CNST: variants seen among roughly 807,000 people sequenced by gnomAD.
CNST encodes consortin, connexin sorting protein.
In CNST, 39 loss-of-function variants were observed where a neutral mutation model predicts 72.4. That is an observed-to-expected ratio of 0.54 (90% CI 0.42 to 0.70). CNST has a LOEUF of 0.70. Ranked by LOEUF, CNST falls within the 30% of genes least tolerant of loss-of-function variation. The pLI is 0.00. For synonymous variants in CNST, 332 were observed against 320.1 expected (o/e 1.04, Z -0.40); for missense variants, 871 against 868.5 (o/e 1.00, Z -0.04).
chr1:246,652,609 T>A (rs994339737), intron 9 of CNST, among the ~76,000 whole-genome samples: 1 of 152,194 alleles, frequency 6.6e-6, no homozygotes, highest in Non-Finnish European at 1.5e-5. Flanking sequence ...CAGAAAAATA[T>A]ATTAAGTGTT....
intron 7 of CNST, 51 bp from the exon 8 acceptor site, chr1:246,641,890 T>G: frequency 6.9e-7 from 1 of 1,457,918 alleles, no homozygotes; most frequent in Non-Finnish European, 9.5e-7. Context: ...CTTCCTAGTT[T>G]AATACAACAG....
chr1:246,616,293 A>C (rs972226667), intron 2 of CNST, among the ~76,000 whole-genome samples: 2 of 152,048 alleles, frequency 1.3e-5, no homozygotes, highest in Non-Finnish European at 2.9e-5. Context: ...TGGCGCCTGT[A>C]CTCCCAGCAT....
At chr1:246,613,273 T>C (rs1453491787) in intron 2 of CNST, among the ~76,000 whole-genome samples, 2 of 152,190 alleles carry the variant, frequency 1.3e-5, no homozygotes, top group African/African-American at 2.4e-5. Context: ...CTTAAAGCAA[T>C]ACATGACTTT....
At chr1:246,583,910 A>G (rs1375584265) in intron 1 of CNST, among the ~76,000 whole-genome samples, 1 of 152,234 alleles carries the variant, frequency 6.6e-6, no homozygotes, top group Non-Finnish European at 1.5e-5. Context: ...GGATGGCAGA[A>G]GAAAATATAT....
At chr1:246,623,694 GGAGGTTGCAGTGGGCGGAGATCGCA>G (rs1664235862) in intron 3 of CNST, among the ~76,000 whole-genome samples, 1 of 151,220 alleles carries the variant, frequency 6.6e-6, no homozygotes, top group Non-Finnish European at 1.5e-5. Context: ...CCCAGGAGGC[GGAGGTTGCAGTGGGCGGAGATCGCA>G]CCACTGCACT....
intron 6 of CNST, among the ~76,000 whole-genome samples, chr1:246,635,853 C>T (rs1242771538): frequency 6.6e-6 from 1 of 152,190 alleles, no homozygotes; most frequent in South Asian, 2.1e-4. Flanking sequence ...TCTTTGGCTT[C>T]CTCCTGCCTT....
intron 2 of CNST, chr1:246,607,892 C>G (rs975548626): frequency 6.6e-6 from 1 of 152,146 alleles, no homozygotes; most frequent in Admixed American, 6.6e-5. Context: ...ACCATCCAGA[C>G]CAACATGGTG....
intron 8 of CNST, among the ~76,000 whole-genome samples, chr1:246,643,791 T>C (rs1471049543): frequency 6.6e-6 from 1 of 152,214 alleles, no homozygotes; most frequent in Non-Finnish European, 1.5e-5. Flanking sequence ...ATGTCAATAA[T>C]GTGGGTGACT....
chr1:246,632,940 T>G lies in CNST; in HGVS notation c.617-984T>G, dbSNP rs78290753. 5.9e-3 allele frequency among the ~76,000 whole-genome samples: 898 copies of G among 152,318 alleles called. 3 individuals carry two copies. Among genetic ancestry groups the G allele is most frequent in the Non-Finnish European group, 0.01 (692 of 68,004 alleles). ...AACACTTGACCAGAGAGTCACATAGTTCTTTGACAGAAAGTAAGGAGAGAA... is the reference window on the plus strand; with the variant it reads ...AACACTTGACCAGAGAGTCACATAGGTCTTTGACAGAAAGTAAGGAGAGAA... On this transcript the variant is annotated intron_variant, in intron 4 of 10. Coordinates refer to ENST00000366513, the MANE Select transcript of CNST (RefSeq NM_152609.3).
At chr1:246,663,028 G>C (rs1235163885) in intron 10 of CNST, among the ~76,000 whole-genome samples, 2 of 152,152 alleles carry the variant, frequency 1.3e-5, no homozygotes, top group Non-Finnish European at 2.9e-5. Flanking sequence ...TAGATGAAGT[G>C]GGGGTAGGAA....
At chr1:246,662,543 G>C (rs10924796) in intron 10 of CNST, among the ~76,000 whole-genome samples, 51,235 of 151,792 alleles carry the variant, frequency 0.34, 10,077 homozygotes, top group African/African-American at 0.54. Context: ...CATGTTCCCC[G>C]ACGCCTGGCT....
chr1:246,667,727 T>G lies in CNST; in HGVS notation c.*1822T>G, dbSNP rs1411139368. 2.6e-5 allele frequency: 4 copies of G among 152,260 alleles called. No individual in the cohort carries two copies. The highest frequency in any genetic ancestry group is 2.4e-5 in the African/African-American group (1 of 41,468). 9.4% of individuals were successfully genotyped at this position (152,260 alleles called of 1,614,324 possible). The stretch of plus-strand genomic sequence containing the variant: ...TATAAAAGCTATTCACAAGTTCTAC[T>G]GTGATGGACATCCTCATCATAGACA... On this transcript the variant is annotated 3_prime_UTR_variant, in exon 11 of 11. Transcript: ENST00000366513.
At position 246,658,558 on chromosome 1, in the gene CNST, C is replaced by G. The variant is rs183362079; in HGVS notation, c.1837-1641C>G. On this transcript the variant is annotated intron_variant, in intron 9 of 10. Transcript: ENST00000366513. ...ATCTTGGTCTATTTGGCCCTAAAAG[C>G]CCTAAGATATAAAAAGAACTAATCG... is the stretch of plus-strand genomic sequence containing the variant. Among the ~76,000 whole-genome samples the G allele has an allele frequency of 4.2e-3, 638 of 152,104 alleles. 7 individuals carry two copies. Among genetic ancestry groups the G allele is most frequent in the African/African-American group, 0.015 (616 of 41,508 alleles).
In CNST at chr1:246,622,006, A is replaced by C. The variant is rs1384107186; in HGVS notation, c.585+372A>C. On this transcript the variant is annotated intron_variant, in intron 3 of 10. Coordinates refer to ENST00000366513, the MANE Select transcript of CNST (RefSeq NM_152609.3). The stretch of plus-strand genomic sequence containing the variant: ...TGAGAGAACCTGTCTCTAAATACAT[A>C]AATAAATATAAAAATAAAAAATAAA... Among the ~76,000 whole-genome samples, 3 of 152,288 alleles carry C rather than the reference A, an allele frequency of 2.0e-5. No homozygotes were observed. The East Asian group carries it at 5.8e-4, about 29-fold the overall frequency.
At chr1:246,634,356 GA>G (rs1558575254) in intron 5 of CNST, 116 bp from the exon 6 acceptor site, 4 of 617,548 alleles carry the variant, frequency 6.5e-6, no homozygotes, top group Non-Finnish European at 2.8e-6. Context: ...TGGGTTGTTT[GA>G]AAAGATAATT....
chr1:246,631,922 A>C lies in CNST; in HGVS notation c.614A>C (p.Asp205Ala). The change falls in exon 4 of 11, where the codon GAC (aspartate) becomes GCC (alanine). Residue 205 changes from aspartate to alanine, a missense_variant and splice_region_variant. Physicochemically the swap from Asp to Ala is moderately radical, Grantham distance 126. Coordinates refer to ENST00000366513, the MANE Select transcript of CNST (RefSeq NM_152609.3). ...QIAESYFQEEDYEKAMKFIQL... is the reference protein window; with the variant it reads ...QIAESYFQEEAYEKAMKFIQL... ...GCAGAATCCTATTTCCAGGAGGAGG[A>C]CTGTATCCTTTTCTTAATTACAGGA... The C allele has an allele frequency of 6.5e-7, 1 of 1,539,814 alleles. No individual in the cohort carries two copies. The highest frequency in any genetic ancestry group is 8.9e-7 in the Non-Finnish European group (1 of 1,129,702).
At position 246,668,127 on chromosome 1, in the gene CNST, T is replaced by A. The variant is rs932662382; in HGVS notation, c.*2222T>A. 1.3e-5 allele frequency: 2 copies of A among 152,216 alleles called. No homozygotes were observed. The highest frequency in any genetic ancestry group is 4.8e-5 in the African/African-American group (2 of 41,448). 9.4% of individuals were successfully genotyped at this position (152,216 alleles called of 1,614,324 possible). A position where few individuals can be genotyped will look rare whatever the true frequency, so the allele number is the denominator to read the frequency against. ...CAACTAGAAAAATTAGGGCAGTTTT[T>A]AAAAATGTCATAGTTATCTATTGCA... On this transcript the variant is annotated 3_prime_UTR_variant, in exon 11 of 11. Coordinates refer to ENST00000366513, the MANE Select transcript of CNST (RefSeq NM_152609.3).
At chr1:246,597,525 T>C (rs776648431) in intron 2 of CNST, among the ~76,000 whole-genome samples, 5 of 152,190 alleles carry the variant, frequency 3.3e-5, no homozygotes, top group Admixed American at 6.5e-5. Context: ...TATCAAAGCA[T>C]TTAACAAAAC....
chr1:246,668,439 A>G lies in CNST; in HGVS notation c.*2534A>G, dbSNP rs994181320. On this transcript the variant is annotated 3_prime_UTR_variant, in exon 11 of 11. Coordinates refer to ENST00000366513, the MANE Select transcript of CNST (RefSeq NM_152609.3). ...GAAGTTGATCTGGCCCTACAAGTAG[A>G]CAGTCATCTACTTTGGGAAGACTAA... is the stretch of plus-strand genomic sequence containing the variant. 1 of 152,212 alleles carries G rather than the reference A, an allele frequency of 6.6e-6. No individual in the cohort carries two copies. The highest frequency in any genetic ancestry group is 1.5e-5 in the Non-Finnish European group (1 of 68,052). 9.4% of individuals were successfully genotyped at this position (152,212 alleles called of 1,614,324 possible).
Sources: allele counts gnomAD v4.1 joint callset (sites outside exome capture counted in the v4.1 genomes callset), GRCh38; gene constraint gnomAD v4.1.1; transcripts MANE v1.5; gene names NCBI Gene and HGNC (gene_info 2026-07-23, HGNC 2026-07-21).